PDE4B: variants seen among roughly 807,000 people sequenced by gnomAD.
The protein encoded by PDE4B is 3',5'-cyclic-AMP phosphodiesterase 4B.
In PDE4B, 20 loss-of-function variants were observed where a neutral mutation model predicts 82.2. The ratio of observed to expected loss-of-function variants is 0.24; its 90% confidence interval spans 0.17 to 0.35. The LOEUF (loss-of-function observed/expected upper bound fraction) is 0.35, where lower values mean the gene tolerates loss of function less well. PDE4B is among the 10% of genes least tolerant of loss of function. The pLI is 1.00. For missense variants in PDE4B, 655 were observed against 907.2 expected, an observed-to-expected ratio of 0.72 and a Z score of 3.57; for synonymous variants, 320 against 318.9, an observed-to-expected ratio of 1.00 and a Z score of -0.04.
chr1:66,350,379 T>C (rs2101986943), intron 8 of PDE4B, among the ~76,000 whole-genome samples: 1 of 152,148 alleles, frequency 6.6e-6, no homozygotes, highest in East Asian at 1.9e-4. Flanking sequence ...CTTTGACACC[T>C]TTTTATTCTC....
At chr1:66,170,004 G>A (rs1218599817) in intron 3 of PDE4B, among the ~76,000 whole-genome samples, 1 of 152,162 alleles carries the variant, frequency 6.6e-6, no homozygotes, top group Admixed American at 6.6e-5. Context: ...CTCTGCAATA[G>A]TAAGTGGCAT....
At chr1:65,825,714 CT>C (rs1646008100) in intron 1 of PDE4B, among the ~76,000 whole-genome samples, 2 of 135,740 alleles carry the variant, frequency 1.5e-5, no homozygotes, top group African/African-American at 5.6e-5. Flanking sequence ...ACCTATCTAT[CT>C]ATCTATCTAT....
chr1:65,946,553 A>T (rs1322669108), intron 3 of PDE4B, among the ~76,000 whole-genome samples: 1 of 151,904 alleles, frequency 6.6e-6, no homozygotes, highest in Non-Finnish European at 1.5e-5. Flanking sequence ...ATGTCATTTG[A>T]GTTTCCATGG....
chr1:66,274,600 C>G (rs1655744597), intron 7 of PDE4B, among the ~76,000 whole-genome samples: 1 of 152,196 alleles, frequency 6.6e-6, no homozygotes, highest in Non-Finnish European at 1.5e-5. Context: ...AGCCACACCA[C>G]TTTGTGACCT....
intron 1 of PDE4B, among the ~76,000 whole-genome samples, chr1:65,873,450 T>C (rs1487867271): frequency 6.6e-6 from 1 of 152,190 alleles, no homozygotes; most frequent in Non-Finnish European, 1.5e-5. Flanking sequence ...AAGACCAAGA[T>C]GGTAGAGTGT....
chr1:65,803,387 T>C (rs944237130), intron 1 of PDE4B, among the ~76,000 whole-genome samples: 2 of 152,212 alleles, frequency 1.3e-5, no homozygotes, highest in African/African-American at 2.4e-5. Flanking sequence ...TATTAATGTG[T>C]AAAGAAGATG....
rs756142800 is a variant in PDE4B at position 66,169,357 on chromosome 1, G to T, written c.282-78103G>T. ...GTTTAAATATACACCAGCATGCTTA[G>T]AGCAGTCAGGGGAGTTGGCACCAAA... is the stretch of plus-strand genomic sequence containing the variant. On this transcript the variant is annotated intron_variant, in intron 3 of 16. Transcript: ENST00000341517. Among the ~76,000 whole-genome samples, 3 of 152,200 alleles carry T rather than the reference G, an allele frequency of 2.0e-5. No individual in the cohort carries two copies. The South Asian group carries it at 6.2e-4, about 32-fold the overall frequency.
intron 3 of PDE4B, among the ~76,000 whole-genome samples, chr1:66,165,046 CCA>C (rs1255218237): frequency 6.6e-6 from 1 of 152,104 alleles, no homozygotes; most frequent in Non-Finnish European, 1.5e-5. Flanking sequence ...CAGGGGTAAG[CCA>C]CCACGCCTGG....
intron 8 of PDE4B, among the ~76,000 whole-genome samples, chr1:66,352,202 C>T (rs960714204): frequency 1.4e-4 from 22 of 152,122 alleles, no homozygotes; most frequent in East Asian, 3.9e-4. Flanking sequence ...TTGCATACTT[C>T]GCCATGTTGT....
Position 66,300,651 on chromosome 1 carries a change from G to A in PDE4B, c.635-31857G>A, listed in dbSNP as rs74520551. On this transcript the variant is annotated intron_variant, in intron 7 of 16. Transcript: ENST00000341517. ...CTAACATTTATTGGATGCCTACAGTGTGTGTATAGCTGTGACTACAAAGAT... is the reference window on the plus strand; with the variant it reads ...CTAACATTTATTGGATGCCTACAGTATGTGTATAGCTGTGACTACAAAGAT... 4.6e-3 allele frequency among the ~76,000 whole-genome samples: 703 copies of A among 152,264 alleles called. 6 individuals carry two copies. Among genetic ancestry groups the A allele is most frequent in the African/African-American group, 0.016 (669 of 41,554 alleles).
chr1:66,292,248 G>A (rs2101814188), intron 7 of PDE4B, among the ~76,000 whole-genome samples: 1 of 152,294 alleles, frequency 6.6e-6, no homozygotes, highest in Non-Finnish European at 1.5e-5. Flanking sequence ...AATAGTTGGT[G>A]AATGTTTATC....
At chr1:65,916,748 ACACACACACATG>A (rs1484400902) in intron 2 of PDE4B, among the ~76,000 whole-genome samples, 2 of 151,966 alleles carry the variant, frequency 1.3e-5, no homozygotes, top group African/African-American at 2.4e-5. Flanking sequence ...ACACATAGAC[ACACACACACATG>A]CACACACACA....
intron 1 of PDE4B, among the ~76,000 whole-genome samples, chr1:65,796,870 C>T (rs535138099): frequency 2.0e-5 from 3 of 151,916 alleles, no homozygotes; most frequent in Middle Eastern, 3.4e-3. Flanking sequence ...AGGATGGTCC[C>T]GATCTCCTGA....
chr1:66,290,218 GA>G (rs756144620), intron 7 of PDE4B, among the ~76,000 whole-genome samples: 1 of 152,126 alleles, frequency 6.6e-6, no homozygotes, highest in Non-Finnish European at 1.5e-5. Context: ...GTGGGACCCA[GA>G]AAGCAGGTTG....
chr1:66,242,833 G>A (rs1056561185), intron 3 of PDE4B, among the ~76,000 whole-genome samples: 1 of 152,168 alleles, frequency 6.6e-6, no homozygotes, highest in South Asian at 2.1e-4. Flanking sequence ...TGGAGGCTGG[G>A]GCCTGCAGCC....
chr1:66,186,629 C>A (rs1192842063), intron 3 of PDE4B, among the ~76,000 whole-genome samples: 1 of 152,144 alleles, frequency 6.6e-6, no homozygotes, highest in Non-Finnish European at 1.5e-5. Context: ...TGATTTGGCT[C>A]TGTTTGTCTG....
At chr1:66,001,895 G>C (rs560890452) in intron 3 of PDE4B, among the ~76,000 whole-genome samples, 5 of 152,008 alleles carry the variant, frequency 3.3e-5, no homozygotes, top group Admixed American at 1.3e-4. Flanking sequence ...GCTCATTTTT[G>C]TATTTTTTGT....
At chr1:66,329,366 A>G (rs1659951148) in intron 7 of PDE4B, among the ~76,000 whole-genome samples, 1 of 152,236 alleles carries the variant, frequency 6.6e-6, no homozygotes, top group East Asian at 1.9e-4. Context: ...AAGTATATGA[A>G]GAAAAAACCA....
intron 3 of PDE4B, among the ~76,000 whole-genome samples, chr1:66,210,595 C>CAAAAA (rs35825766): frequency 4.1e-4 from 19 of 45,784 alleles, no homozygotes; most frequent in South Asian, 1.1e-3. Flanking sequence ...GACTCCATCT[C>CAAAAA]AAAAAAAAAA....
Sources: allele counts gnomAD v4.1 joint callset (sites outside exome capture counted in the v4.1 genomes callset), GRCh38; gene constraint gnomAD v4.1.1; transcripts MANE v1.5; gene names NCBI Gene and HGNC (gene_info 2026-07-23, HGNC 2026-07-21).